KIZ: variants seen among roughly 807,000 people sequenced by gnomAD.
KIZ encodes the protein kizuna centrosomal protein.
KIZ carries 68 observed loss-of-function variants against 79.6 expected under a neutral mutation model. The ratio of observed to expected loss-of-function variants is 0.85; its 90% CI spans 0.70 to 1.05. The LOEUF (loss-of-function observed/expected upper bound fraction) is 1.05, where lower values mean the gene tolerates loss of function less well. KIZ is among the 50% of genes least tolerant of loss of function. The pLI is 0.00. For missense variants in KIZ, 797 were observed against 800.4 expected, an observed-to-expected ratio of 1.00 and a Z score of 0.05; for synonymous variants, 280 against 281.8, an observed-to-expected ratio of 0.99 and a Z score of 0.06.
rs1406954108 is a variant in KIZ, at chr20:21,136,524, C to A, written c.287C>A (p.Thr96Lys). The part of the protein sequence containing the change: ...RVQAHVVHFT[T>K]NTEKLQKLKL... ...CAAGCTCATGTTGTACACTTCACCA[C>A]AAATACAGAGAAGCTTCAAAAACTG... is the stretch of plus-strand genomic sequence containing the variant. Residue 96 changes from threonine (T) to lysine (K), a missense_variant, in exon 3 of 13, where the codon ACA becomes AAA. By Grantham distance (78) the Thr-to-Lys change is moderately conservative. Coordinates refer to ENST00000619189, the MANE Select transcript of KIZ (RefSeq NM_018474.6). The A allele has an allele frequency of 1.3e-6, 2 of 1,578,280 alleles. No individual in the cohort carries two copies. Among genetic ancestry groups the A allele is most frequent in the Non-Finnish European group, 1.7e-6 (2 of 1,165,124 alleles).
chr20:21,168,001 ATGT>A (rs2034025988), intron 6 of KIZ, among the ~76,000 whole-genome samples: 1 of 152,224 alleles, frequency 6.6e-6, no homozygotes, highest in African/African-American at 2.4e-5. Context: ...TACATGTGCC[ATGT>A]TGTTGTGCTT....
intron 1 of KIZ, among the ~76,000 whole-genome samples, chr20:21,127,500 T>C (rs2031558195): frequency 6.6e-6 from 1 of 152,246 alleles, no homozygotes; most frequent in South Asian, 2.1e-4. Context: ...TACTTTATGA[T>C]TAACACTTAT....
At position 21,163,082 on chromosome 20, in the gene KIZ, T is replaced by G. The variant is rs770189707; in HGVS notation, c.1275T>G (p.Thr425=). The change falls in exon 6 of 13, where the codon ACT becomes ACG. Residue 425 remains threonine (T), a synonymous_variant. Coordinates refer to ENST00000619189, the MANE Select transcript of KIZ (RefSeq NM_018474.6). ...AGCAAGAAAGAGTTGCCCTATCCAC[T>G]GAAAAAAATTGTATTTTGCAAACCC... ...HAEQERVALS[T]EKNCILQTLS... The G allele has an allele frequency of 3.7e-6, 6 of 1,613,692 alleles. No individual in the cohort carries two copies. Among genetic ancestry groups the G allele is most frequent in the Non-Finnish European group, 4.2e-6 (5 of 1,179,672 alleles).
chr20:21,143,831 C>T lies in KIZ; in HGVS notation c.316-1734C>T, dbSNP rs554033925. On this transcript the variant is annotated intron_variant, in intron 3 of 12. Coordinates refer to ENST00000619189, the MANE Select transcript of KIZ (RefSeq NM_018474.6). ...GGAAAACTCCTGCTCTCCAGTGTTC[C>T]GGACATGGATAATAACCAGGTGTTG... is the stretch of plus-strand genomic sequence containing the variant. Among the ~76,000 whole-genome samples, 9 of 151,976 alleles carry T rather than the reference C, an allele frequency of 5.9e-5. No homozygotes were observed. The South Asian group carries it at 1.5e-3, about 25-fold the overall frequency.
intron 6 of KIZ, chr20:21,198,736 G>T (rs999924476): frequency 1.3e-5 from 2 of 152,552 alleles, no homozygotes; most frequent in African/African-American, 2.4e-5. Flanking sequence ...TACCTTCTGC[G>T]TCTGTACTAG....
intron 6 of KIZ, among the ~76,000 whole-genome samples, chr20:21,179,562 TTC>T (rs1468463216): frequency 6.6e-6 from 1 of 152,030 alleles, no homozygotes; most frequent in Non-Finnish European, 1.5e-5. Context: ...ATTTTTTGTA[TTC>T]TCTTTTTCAT....
chr20:21,138,801 T>G (rs1042760409), intron 3 of KIZ, among the ~76,000 whole-genome samples: 6 of 152,178 alleles, frequency 3.9e-5, no homozygotes, highest in Non-Finnish European at 8.8e-5. Context: ...ATCTGAGCCT[T>G]GCCTGAACCA....
At chr20:21,136,306 T>C (rs1165009499) in intron 2 of KIZ, 84 bp from the exon 3 acceptor site, 1 of 795,290 alleles carries the variant, frequency 1.3e-6, no homozygotes, top group African/African-American at 1.8e-5. Flanking sequence ...CATTGTCTCA[T>C]TAACAATTTT....
chr20:21,131,067 CA>C lies in KIZ; in HGVS notation c.90-1028del, dbSNP rs533681523. Among the ~76,000 whole-genome samples the C allele has an allele frequency of 2.9e-4, 44 of 152,288 alleles. 1 individual carries two copies. The South Asian group carries it at 8.9e-3, about 31-fold the overall frequency. ...TTAACTTAGATGAGCAATTTAGCTT[CA>C]ATTAGGTGGGATTGAAACAAATAGT... On this transcript the variant is annotated intron_variant, in intron 1 of 12. Transcript: ENST00000619189.
intron 6 of KIZ, among the ~76,000 whole-genome samples, chr20:21,200,007 G>A (rs939297045): frequency 2.0e-5 from 3 of 152,080 alleles, no homozygotes; most frequent in Non-Finnish European, 4.4e-5. Context: ...TTTGGCAGAA[G>A]ATGGGGTTTT....
At chr20:21,243,644 C>T (rs569885540) in intron 11 of KIZ, among the ~76,000 whole-genome samples, 234 of 152,256 alleles carry the variant, frequency 1.5e-3, no homozygotes, top group Non-Finnish European at 2.1e-3. Flanking sequence ...AATCATATCC[C>T]GTGGAGCCAG....
intron 11 of KIZ, among the ~76,000 whole-genome samples, chr20:21,234,706 T>G (rs2036945238): frequency 6.6e-6 from 1 of 151,372 alleles, no homozygotes; most frequent in African/African-American, 2.4e-5. Flanking sequence ...AAATTCTTCT[T>G]TGCTCTATTT....
At chr20:21,157,626 C>T (rs2033446177) in intron 4 of KIZ, among the ~76,000 whole-genome samples, 2 of 152,188 alleles carry the variant, frequency 1.3e-5, no homozygotes, top group Admixed American at 1.3e-4. Flanking sequence ...TTGTTTCTCT[C>T]CAGTTCTTGG....
chr20:21,160,147 G>A (rs1045565434), intron 4 of KIZ, among the ~76,000 whole-genome samples: 5 of 152,096 alleles, frequency 3.3e-5, no homozygotes, highest in Admixed American at 6.6e-5. Flanking sequence ...ACCCTCCTTC[G>A]CAGTTCCTCA....
At position 21,169,166 on chromosome 20, in the gene KIZ, A is replaced by G. The variant is rs185740861; in HGVS notation, c.1352+6007A>G. Among the ~76,000 whole-genome samples, 124 of 152,294 alleles carry G rather than the reference A, an allele frequency of 8.1e-4. 2 individuals carry two copies. In the East Asian group the frequency reaches 0.02, roughly 25 times the overall value. ...CAGGCAACCTACAGCATGGGAGAAA[A>G]TTTTTGCAACCTACTCATCTGACAA... On this transcript the variant is annotated intron_variant, in intron 6 of 12. Coordinates refer to ENST00000619189, the MANE Select transcript of KIZ (RefSeq NM_018474.6).
rs1201445924 is a variant in KIZ at position 21,215,576 on chromosome 20, T to G, written c.1613-7T>G. ...TACTTTTTTTTTATTATGCATTCAA[T>G]TTTTAGAAGTTTCAAGTGGCTGTGG... On this transcript the variant is annotated splice_polypyrimidine_tract_variant and splice_region_variant and intron_variant, in intron 8 of 12. Coordinates refer to ENST00000619189, the MANE Select transcript of KIZ (RefSeq NM_018474.6). 1 of 1,573,856 alleles carries G rather than the reference T, an allele frequency of 6.4e-7. No individual in the cohort carries two copies. The highest frequency in any genetic ancestry group is 8.7e-7 in the Non-Finnish European group (1 of 1,149,222).
At chr20:21,179,208 T>TG (rs1491149027) in intron 6 of KIZ, among the ~76,000 whole-genome samples, 88 of 112,828 alleles carry the variant, frequency 7.8e-4, no homozygotes, top group African/African-American at 2.6e-3. Context: ...GGGGTTTTTT[T>TG]GTTTTTTTTT....
chr20:21,142,138 C>T (rs544307563), intron 3 of KIZ, among the ~76,000 whole-genome samples: 54 of 152,156 alleles, frequency 3.5e-4, no homozygotes, highest in Middle Eastern at 3.4e-3. Flanking sequence ...TACATGCACC[C>T]GCGGTGCTTT....
At chr20:21,162,638 C>G in intron 5 of KIZ, 131 bp downstream of exon 5, 1 of 808,694 alleles carries the variant, frequency 1.2e-6, no homozygotes, top group East Asian at 2.7e-5. Flanking sequence ...CTAATGAACT[C>G]TTAAATATGT....
Sources: allele counts gnomAD v4.1 joint callset (sites outside exome capture counted in the v4.1 genomes callset), GRCh38; gene constraint gnomAD v4.1.1; transcripts MANE v1.5; gene names NCBI Gene and HGNC (gene_info 2026-07-23, HGNC 2026-07-21).